Variants in OVCH1 observed in about 807,000 individuals in gnomAD.
OVCH1 encodes ovochymase 1.
In OVCH1, 139 loss-of-function variants were observed where a neutral mutation model predicts 138.4. The observed-to-expected ratio is 1.00, with a 90% CI of 0.87 to 1.16. The LOEUF (loss-of-function observed/expected upper bound fraction) is 1.16. Ranked by LOEUF, OVCH1 falls within the 50% of genes most tolerant of loss-of-function variation. The pLI, the probability that OVCH1 is intolerant of heterozygous loss-of-function variation, is 0.00. For missense variants in OVCH1, 1,367 were observed against 1,357.9 expected, an observed-to-expected ratio of 1.01 and a Z score of -0.11; for synonymous variants, 453 against 467.8, an observed-to-expected ratio of 0.97 and a Z score of 0.41.
chr12:29,465,551 C>T (rs1006420919), intron 16 of OVCH1, among the ~76,000 whole-genome samples: 7 of 152,184 alleles, frequency 4.6e-5, no homozygotes, highest in Middle Eastern at 6.8e-3. Context: ...GGAAACCACC[C>T]TACCATCATC....
At chr12:29,466,370 GAAAA>G (rs199856349) in intron 16 of OVCH1, among the ~76,000 whole-genome samples, 2 of 141,382 alleles carry the variant, frequency 1.4e-5, no homozygotes, top group Non-Finnish European at 2.9e-5. Flanking sequence ...ATCTTTGCAA[GAAAA>G]AAAGAATATG....
the OVCH1 span, among the ~76,000 whole-genome samples, chr12:29,402,870 A>G: frequency 1.3e-5 from 2 of 151,992 alleles, no homozygotes; most frequent in Non-Finnish European, 2.9e-5. Flanking sequence ...TTAAAAGAGA[A>G]AGAGAGTGAG....
chr12:29,447,324 A>C (rs1315803761), intron 22 of OVCH1, among the ~76,000 whole-genome samples: 1 of 152,100 alleles, frequency 6.6e-6, no homozygotes, highest in Admixed American at 6.6e-5. Context: ...AGCAAAAAAG[A>C]AATTATCTCC....
At chr12:29,405,050 A>C in the OVCH1 span, among the ~76,000 whole-genome samples, 4 of 148,158 alleles carry the variant, frequency 2.7e-5, no homozygotes, top group East Asian at 2.0e-4. Flanking sequence ...AAAAAAAAAA[A>C]AAAAAACAAA....
At chr12:29,425,201 G>A (rs1941162151), downstream of OVCH1, among the ~76,000 whole-genome samples, 1 of 152,128 alleles carries the variant, frequency 6.6e-6, no homozygotes, top group African/African-American at 2.4e-5. Flanking sequence ...CTGGAGGGAA[G>A]GTCTAAATGG....
intron 16 of OVCH1, among the ~76,000 whole-genome samples, chr12:29,466,287 G>A (rs1449518657): frequency 2.1e-5 from 3 of 143,874 alleles, no homozygotes; most frequent in Admixed American, 6.7e-5. Context: ...GAGAAAATAC[G>A]TTTCTCTTAA....
At chr12:29,405,028 A>AAAAAAAAC in the OVCH1 span, among the ~76,000 whole-genome samples, 1 of 80,036 alleles carries the variant, frequency 1.2e-5, no homozygotes, top group African/African-American at 5.0e-5. Flanking sequence ...CCTCAAAAAA[A>AAAAAAAAC]AAAAAAAAAA....
At chr12:29,494,204 C>T (rs1229220398) in intron 4 of OVCH1, among the ~76,000 whole-genome samples, 2 of 152,176 alleles carry the variant, frequency 1.3e-5, no homozygotes, top group African/African-American at 2.4e-5. Context: ...TCAGAAAGTT[C>T]CAGGTTCTTT....
chr12:29,444,200 T>C (rs1449327745), exon 24 of OVCH1: 2 of 1,612,458 alleles, frequency 1.2e-6, no homozygotes, highest in Non-Finnish European at 1.7e-6. Context: ...TCTGGCTTGG[T>C]CAGAAGAACA....
At chr12:29,405,164 C>T in the OVCH1 span, among the ~76,000 whole-genome samples, 3 of 150,498 alleles carry the variant, frequency 2.0e-5, no homozygotes, top group Non-Finnish European at 4.4e-5. Flanking sequence ...TTCACTTCAA[C>T]TATCAAATTA....
intron 27 of OVCH1, among the ~76,000 whole-genome samples, chr12:29,430,022 C>A (rs528290083): frequency 6.6e-6 from 1 of 152,306 alleles, no homozygotes; most frequent in South Asian, 2.1e-4. Context: ...TTAAGTCACA[C>A]CACGTCTACA....
chr12:29,446,132 G>A (rs1287738509), intron 22 of OVCH1, among the ~76,000 whole-genome samples: 2 of 151,684 alleles, frequency 1.3e-5, no homozygotes, highest in Non-Finnish European at 2.9e-5. Flanking sequence ...ATCTTATTAT[G>A]TGTTTTCTCC....
chr12:29,450,788 T>C (rs1393533923), intron 22 of OVCH1, among the ~76,000 whole-genome samples: 1 of 152,134 alleles, frequency 6.6e-6, no homozygotes, highest in Non-Finnish European at 1.5e-5. Flanking sequence ...AATGATAGAC[T>C]GGTTAAAGAA....
intron 24 of OVCH1, 54 bp from the exon 25 acceptor site, chr12:29,443,554 T>C: frequency 2.7e-6 from 4 of 1,463,158 alleles, no homozygotes; most frequent in Non-Finnish European, 3.7e-6. Flanking sequence ...AATATATTGT[T>C]AGTTATTTTG....
intron 26 of OVCH1, among the ~76,000 whole-genome samples, chr12:29,435,337 C>A (rs1378133325): frequency 6.6e-6 from 1 of 152,152 alleles, no homozygotes; most frequent in Admixed American, 6.5e-5. Flanking sequence ...TGCACTTGAG[C>A]CTAGACAACA....
chr12:29,410,815 C>G (rs1349152019), downstream of OVCH1, among the ~76,000 whole-genome samples: 3 of 151,042 alleles, frequency 2.0e-5, no homozygotes, highest in Non-Finnish European at 4.4e-5. Context: ...TGAGGAGTAT[C>G]TTTGTGGTGT....
exon 20 of OVCH1, chr12:29,455,353 A>G (rs768572356): frequency 2.5e-6 from 4 of 1,613,900 alleles, no homozygotes; most frequent in Admixed American, 3.3e-5. Context: ...AATGCCATAG[A>G]GGACAAAGGG....
At chr12:29,443,221 TA>T (rs1226238344) in intron 25 of OVCH1, 139 bp downstream of exon 25, 8 of 817,596 alleles carry the variant, frequency 9.8e-6, no homozygotes, top group Middle Eastern at 7.6e-4. Flanking sequence ...GACACAAGTT[TA>T]ACAGTAAGTC....
intron 8 of OVCH1, chr12:29,478,923 C>T (rs762946833): frequency 6.4e-7 from 1 of 1,554,876 alleles, no homozygotes; most frequent in Admixed American, 1.9e-5. Context: ...TAAATTTTAT[C>T]AGGATTATTT....
Sources: allele counts gnomAD v4.1 joint callset (sites outside exome capture counted in the v4.1 genomes callset), GRCh38; gene constraint gnomAD v4.1.1; transcripts MANE v1.5; gene names NCBI Gene and HGNC (gene_info 2026-07-23, HGNC 2026-07-21).